Variants in TCEA3 observed in about 807,000 individuals in gnomAD.
TCEA3 encodes transcription elongation factor A3.
TCEA3 carries 36 observed loss-of-function variants against 44.0 expected under a neutral mutation model. That is an observed-to-expected ratio of 0.82 (90% CI 0.63 to 1.08). The LOEUF is 1.08. Ranked by LOEUF, TCEA3 falls within the 50% of genes least tolerant of loss-of-function variation. The pLI, the probability that TCEA3 is intolerant of heterozygous loss-of-function variation, is 0.00. For synonymous variants in TCEA3, 162 were observed against 159.7 expected (o/e 1.01, Z -0.11); for missense variants, 392 against 441.2 (o/e 0.89, Z 1.00).
chr1:23,388,565 A>C (rs1231678914), intron 8 of TCEA3, among the ~76,000 whole-genome samples: 2 of 152,192 alleles, frequency 1.3e-5, no homozygotes, highest in Non-Finnish European at 2.9e-5. Flanking sequence ...CATAAAGGTC[A>C]AAGCATTTTA....
intron 5 of TCEA3, 150 bp downstream of exon 5, chr1:23,408,514 C>T (rs548312694): frequency 1.4e-6 from 1 of 737,300 alleles, no homozygotes; most frequent in African/African-American, 1.8e-5. Context: ...TGTGGAAAGA[C>T]TGTGTGGGTC....
chr1:23,418,373 G>C (rs1391443394), intron 2 of TCEA3: 1 of 216,424 alleles, frequency 4.6e-6, no homozygotes, highest in Non-Finnish European at 9.4e-6. Flanking sequence ...GTGCAGTGGT[G>C]CAATCTCAGC....
intron 2 of TCEA3, among the ~76,000 whole-genome samples, chr1:23,418,647 A>G (rs1403571067): frequency 6.6e-6 from 1 of 152,052 alleles, no homozygotes; most frequent in African/African-American, 2.4e-5. Flanking sequence ...TTCAACTGAG[A>G]CAGCAGCTCC....
chr1:23,421,537 T>G (rs1292215176), intron 1 of TCEA3, among the ~76,000 whole-genome samples: 1 of 152,046 alleles, frequency 6.6e-6, no homozygotes. Context: ...TGTTTGCCAA[T>G]TTCTGTGGTG....
rs78678072 is a variant in TCEA3, at chr1:23,381,367, A to G, written c.*99T>C. On this transcript the variant is annotated 3_prime_UTR_variant, in exon 11 of 11. Transcript: ENST00000450454. ...ATACCATCCCACTCAGACAGAGTTC[A>G]GTATTTTCCTTCACTTTAATTTTTA... 2.2e-4 allele frequency: 170 copies of G among 762,692 alleles called. No homozygotes were observed. The African/African-American group carries it at 2.5e-3, about 11-fold the overall frequency. 47.2% of individuals were successfully genotyped at this position (762,692 alleles called of 1,614,324 possible).
chr1:23,406,917 T>TAGGTATC (rs1639561279), intron 5 of TCEA3, among the ~76,000 whole-genome samples: 1 of 152,224 alleles, frequency 6.6e-6, no homozygotes, highest in African/African-American at 2.4e-5. Flanking sequence ...CCACCGCACC[T>TAGGTATC]GGCCTTGACT....
chr1:23,398,014 C>A (rs1405286966), intron 5 of TCEA3, 59 bp from the exon 6 acceptor site: 2 of 1,583,368 alleles, frequency 1.3e-6, no homozygotes, highest in Non-Finnish European at 1.7e-6. Flanking sequence ...ATTTATTGAG[C>A]AGCATTCTAG....
chr1:23,416,340 T>A (rs1384741896), intron 4 of TCEA3, among the ~76,000 whole-genome samples: 5 of 152,090 alleles, frequency 3.3e-5, no homozygotes, highest in African/African-American at 1.2e-4. Context: ...TTTATCACTC[T>A]TATTTGTTTA....
intron 4 of TCEA3, among the ~76,000 whole-genome samples, chr1:23,411,305 C>T (rs183609126): frequency 8.1e-4 from 124 of 152,174 alleles, no homozygotes; most frequent in African/African-American, 2.8e-3. Flanking sequence ...TACAGGCACG[C>T]GCCACCATTC....
chr1:23,382,441 A>G (rs1383973177), intron 10 of TCEA3, among the ~76,000 whole-genome samples: 1 of 152,170 alleles, frequency 6.6e-6, no homozygotes, highest in African/African-American at 2.4e-5. Context: ...AATAGTAAGA[A>G]TAGTGGTTTT....
In TCEA3 at chr1:23,381,341, C is replaced by T. The variant is rs1370361985; in HGVS notation, c.*125G>A. 2.8e-6 allele frequency: 2 copies of T among 721,846 alleles called. No homozygotes were observed. The highest frequency in any genetic ancestry group is 1.8e-5 in the African/African-American group (1 of 56,820). The allele number at this position is 721,846 out of a possible 1,614,324, so 44.7% of individuals were successfully genotyped here. ...TTGCAAGAGAATTCTTCCTCTAACTCATACCATCCCACTCAGACAGAGTTC... is the reference window on the plus strand; with the variant it reads ...TTGCAAGAGAATTCTTCCTCTAACTTATACCATCCCACTCAGACAGAGTTC... On this transcript the variant is annotated 3_prime_UTR_variant, in exon 11 of 11. Coordinates refer to ENST00000450454, the MANE Select transcript of TCEA3 (RefSeq NM_003196.3).
At chr1:23,393,801 G>A (rs1639133243) in intron 8 of TCEA3, 78 bp downstream of exon 8, 4 of 1,526,174 alleles carry the variant, frequency 2.6e-6, no homozygotes, top group Non-Finnish European at 3.5e-6. Context: ...GATGAGTCAC[G>A]AGCCACTGAC....
chr1:23,415,335 A>G (rs949395770), intron 4 of TCEA3, among the ~76,000 whole-genome samples: 1 of 152,038 alleles, frequency 6.6e-6, no homozygotes, highest in Non-Finnish European at 1.5e-5. Context: ...TTTACTGTTC[A>G]TTCAGTGGGG....
chr1:23,404,884 T>G (rs1639499381), intron 5 of TCEA3, among the ~76,000 whole-genome samples: 1 of 152,118 alleles, frequency 6.6e-6, no homozygotes, highest in African/African-American at 2.4e-5. Flanking sequence ...GAGGATTGCT[T>G]GAGCCCAGGA....
chr1:23,406,863 C>T (rs1639559269), intron 5 of TCEA3, among the ~76,000 whole-genome samples: 2 of 152,184 alleles, frequency 1.3e-5, no homozygotes. Context: ...TTCAAGTGAT[C>T]TGCCCGCCTC....
chr1:23,393,794 G>A lies in TCEA3; in HGVS notation c.819+85C>T, dbSNP rs60079969. On this transcript the variant is annotated intron_variant, in intron 8 of 10. Transcript: ENST00000450454. ...AAAAGCTCCCTGGCTCACTGCTGAT[G>A]AGTCACGAGCCACTGACCCTCTGCA... 2,221 of 1,502,648 alleles carry A rather than the reference G, an allele frequency of 1.5e-3. 37 individuals are homozygous for A. In the African/African-American group the frequency reaches 0.027, roughly 18 times the overall value. The allele number at this position is 1,502,648 out of a possible 1,614,324, so 93.1% of individuals were successfully genotyped here.
At position 23,384,419 on chromosome 1, in the gene TCEA3, TGAGA is replaced by T. The variant is rs771654591; in HGVS notation, c.967-6_967-3del. On this transcript the variant is annotated splice_polypyrimidine_tract_variant and splice_region_variant and intron_variant, in intron 9 of 10. Coordinates refer to ENST00000450454, the MANE Select transcript of TCEA3 (RefSeq NM_003196.3). ...CTCATCAGCACTGCGTGTCTGCACC[TGAGA>T]GAGAGAAGAACCACTCATGAAGTCA... 5 of 1,612,250 alleles carry T rather than the reference TGAGA, an allele frequency of 3.1e-6. No homozygotes were observed. The African/African-American group carries it at 6.7e-5, about 22-fold the overall frequency.
chr1:23,422,856 G>A (rs1037231852), intron 1 of TCEA3, among the ~76,000 whole-genome samples: 3 of 152,176 alleles, frequency 2.0e-5, no homozygotes, highest in South Asian at 4.1e-4. Flanking sequence ...AAAGGAGTGA[G>A]GGGGAGGCCA....
At chr1:23,417,223 C>T in intron 4 of TCEA3, 26 bp downstream of exon 4, 1 of 1,610,440 alleles carries the variant, frequency 6.2e-7, no homozygotes, top group Non-Finnish European at 8.5e-7. Flanking sequence ...TGTCAGCTCC[C>T]TTCTCTCCAT....
Sources: gnomAD v4.1 joint callset for allele counts (sites outside exome capture counted in the v4.1 genomes callset) on GRCh38, gnomAD v4.1.1 for gene constraint, MANE v1.5 for transcripts, NCBI Gene and HGNC (gene_info 2026-07-23, HGNC 2026-07-21) for gene names.